The following CEP89 variants were observed in gnomAD, a reference collection of about 807,000 sequenced individuals.
The protein encoded by CEP89 is centrosomal protein 89.
A neutral mutation model predicts 97.6 loss-of-function variants in CEP89; 95 were observed. The ratio of observed to expected loss-of-function variants is 0.97; its 90% CI spans 0.82 to 1.15. The LOEUF is 1.15. Ranked by LOEUF, CEP89 falls within the 50% of genes most tolerant of loss-of-function variation. The pLI, the probability that CEP89 is intolerant of heterozygous loss-of-function variation, is 0.00. For synonymous variants in CEP89, 354 were observed against 349.1 expected, an observed-to-expected ratio of 1.01 and a Z score of -0.16; for missense variants, 869 against 947.7, an observed-to-expected ratio of 0.92 and a Z score of 1.09.
Position 32,901,393 on chromosome 19 carries a change from C to A in CEP89, c.1585G>T (p.Glu529Ter), listed in dbSNP as rs375529659. Residue 529 changes from glutamate to a stop codon, truncating the protein, a stop_gained, in exon 15 of 19, where the codon GAG (glutamate) becomes TAG (stop). Coordinates refer to ENST00000305768, the MANE Select transcript of CEP89 (RefSeq NM_032816.5). LOFTEE classifies it high-confidence loss of function. ...TCCTCCATCTCAGCCCTTTCTTTCT[C>A]TTCTTCCTTCTGTAATTGGCTGAAG... ...ELKSQLQKEE[E>*]KERAEMEELM... is the part of the protein sequence containing the mutation. The A allele has an allele frequency of 2.5e-6, 4 of 1,612,222 alleles. No homozygotes were observed. Among genetic ancestry groups the A allele is most frequent in the Non-Finnish European group, 2.5e-6 (3 of 1,179,618 alleles).
chr19:32,901,507 C>T, intron 14 of CEP89, 95 bp from the exon 15 acceptor site: 1 of 1,284,436 alleles, frequency 7.8e-7, no homozygotes, highest in Non-Finnish European at 1.1e-6. Context: ...ACAGCCCAGC[C>T]CTCCAGCCCC....
At chr19:32,927,891 C>G (rs1351172152) in intron 9 of CEP89, among the ~76,000 whole-genome samples, 1 of 148,582 alleles carries the variant, frequency 6.7e-6, no homozygotes, top group Non-Finnish European at 1.5e-5. Context: ...AAGTGTGAGC[C>G]AGCACACTTG....
intron 18 of CEP89, 113 bp from the exon 19 acceptor site, chr19:32,879,491 C>CTGT: frequency 1.2e-6 from 1 of 838,254 alleles, no homozygotes; most frequent in South Asian, 1.7e-5. Context: ...GGAACAGAGC[C>CTGT]CTCGGTGCCT....
chr19:32,915,017 T>C (rs1599735517), intron 14 of CEP89, among the ~76,000 whole-genome samples: 4 of 149,272 alleles, frequency 2.7e-5, no homozygotes, highest in Admixed American at 2.7e-4. Flanking sequence ...TGAGAGTCCG[T>C]CCCAAAAAAA....
chr19:32,946,576 C>T (rs898797971), intron 5 of CEP89, among the ~76,000 whole-genome samples: 2 of 152,062 alleles, frequency 1.3e-5, no homozygotes, highest in African/African-American at 4.8e-5. Flanking sequence ...TGGCTGTGTC[C>T]CCACTCACAT....
At chr19:32,883,735 T>C (rs1969335581) in intron 17 of CEP89, among the ~76,000 whole-genome samples, 1 of 152,174 alleles carries the variant, frequency 6.6e-6, no homozygotes, top group African/African-American at 2.4e-5. Flanking sequence ...TTATTGAGGC[T>C]TTCTTTGTAG....
At chr19:32,966,534 T>C (rs1971288328) in intron 1 of CEP89, 68 bp from the exon 2 acceptor site, 8 of 959,674 alleles carry the variant, frequency 8.3e-6, no homozygotes. Context: ...TTGTCACCAC[T>C]CTCCCTGGGC....
chr19:32,935,031 G>C (rs1208060479), intron 7 of CEP89, among the ~76,000 whole-genome samples: 2 of 152,232 alleles, frequency 1.3e-5, no homozygotes, highest in African/African-American at 4.8e-5. Context: ...GATAACCAGA[G>C]TGGGAATAGC....
intron 14 of CEP89, among the ~76,000 whole-genome samples, chr19:32,905,653 A>G (rs780116893): frequency 1.3e-5 from 2 of 152,194 alleles, no homozygotes; most frequent in Non-Finnish European, 2.9e-5. Context: ...ACAAATTTAA[A>G]TTTGTGTGAA....
At chr19:32,905,538 G>A (rs1969870731) in intron 14 of CEP89, among the ~76,000 whole-genome samples, 2 of 151,734 alleles carry the variant, frequency 1.3e-5, no homozygotes, top group South Asian at 4.2e-4. Flanking sequence ...GACTATTCAG[G>A]TATTCTTCTT....
chr19:32,925,778 G>A (rs1006065235), intron 11 of CEP89, among the ~76,000 whole-genome samples: 3 of 151,924 alleles, frequency 2.0e-5, no homozygotes, highest in South Asian at 2.1e-4. Flanking sequence ...GTGAGCCACC[G>A]CGCCCAGCCC....
chr19:32,881,682 A>T (rs1172357681), intron 18 of CEP89, among the ~76,000 whole-genome samples, 162 bp downstream of exon 18: 1 of 152,250 alleles, frequency 6.6e-6, no homozygotes, highest in Admixed American at 6.5e-5. Flanking sequence ...GAAGATGAGG[A>T]GCAAATAAAA....
At chr19:32,886,092 G>C (rs1029151737) in intron 17 of CEP89, among the ~76,000 whole-genome samples, 2 of 152,108 alleles carry the variant, frequency 1.3e-5, no homozygotes, top group African/African-American at 4.8e-5. Flanking sequence ...GGCTCTGACT[G>C]CCTCCTGAAG....
chr19:32,897,220 A>C (rs1431134781), intron 16 of CEP89, among the ~76,000 whole-genome samples: 1 of 152,236 alleles, frequency 6.6e-6, no homozygotes, highest in Admixed American at 6.5e-5. Context: ...GTGTCTTTCT[A>C]TGTAAGACTG....
chr19:32,927,915 TTTTC>T, intron 9 of CEP89, among the ~76,000 whole-genome samples: 1 of 149,328 alleles, frequency 6.7e-6, no homozygotes, highest in Admixed American at 6.7e-5. Context: ...TTTTTTTTTT[TTTTC>T]TTTTTTTTTT....
chr19:32,934,249 G>A (rs1183616794), intron 7 of CEP89, among the ~76,000 whole-genome samples: 1 of 152,168 alleles, frequency 6.6e-6, no homozygotes, highest in African/African-American at 2.4e-5. Flanking sequence ...GATGGAAGAT[G>A]AGGAGAGGCA....
chr19:32,954,649 A>T (rs1971008242), intron 3 of CEP89, among the ~76,000 whole-genome samples: 1 of 150,964 alleles, frequency 6.6e-6, no homozygotes, highest in South Asian at 2.1e-4. Context: ...CACTGAGCCC[A>T]GCCTGTTGTT....
chr19:32,927,165 T>TCTATCC (rs1568564565), intron 9 of CEP89, among the ~76,000 whole-genome samples, 181 bp from the exon 10 acceptor site: 7 of 115,522 alleles, frequency 6.1e-5, no homozygotes, highest in East Asian at 2.5e-4. Context: ...TCCATCCATC[T>TCTATCC]ATCCATCCAT....
chr19:32,937,244 A>G (rs1599757960), intron 7 of CEP89: 1 of 274,672 alleles, frequency 3.6e-6, no homozygotes, highest in East Asian at 1.2e-4. Context: ...AGCAGAGCCC[A>G]TAACTGCACC....
Sources: gnomAD v4.1 joint callset for allele counts (sites outside exome capture counted in the v4.1 genomes callset) on GRCh38, gnomAD v4.1.1 for gene constraint, MANE v1.5 for transcripts, NCBI Gene and HGNC (gene_info 2026-07-23, HGNC 2026-07-21) for gene names.